WDR7: variants seen among roughly 807,000 people sequenced by gnomAD.
WDR7 encodes WD repeat domain 7, also known as WD repeat-containing protein 7.
Under a neutral mutation model 169.4 loss-of-function variants are expected in WDR7, and 46 were observed. The ratio of observed to expected loss-of-function variants is 0.27; its 90% CI spans 0.21 to 0.35. The LOEUF (loss-of-function observed/expected upper bound fraction) is 0.35. Among genes scored for constraint, WDR7 ranks in the 10% least tolerant of loss-of-function variants. The pLI, the probability that WDR7 is intolerant of heterozygous loss-of-function variation, is 1.00. For synonymous variants in WDR7, 612 were observed against 666.8 expected (o/e 0.92, Z 1.27); for missense variants, 1,534 against 1,859.3 (o/e 0.83, Z 3.22).
chr18:56,786,414 A>G (rs111390645), intron 19 of WDR7, among the ~76,000 whole-genome samples: 1,995 of 152,130 alleles, frequency 0.013, 49 homozygotes, highest in African/African-American at 0.045. Context: ...CTGTAGTCCC[A>G]GCTACTCGGG....
At chr18:56,744,072 T>C (rs2043662521) in intron 14 of WDR7, among the ~76,000 whole-genome samples, 1 of 151,742 alleles carries the variant, frequency 6.6e-6, no homozygotes, top group African/African-American at 2.4e-5. Context: ...ACCCCGTCTC[T>C]ACTAAAAATA....
At chr18:56,814,804 T>TA (rs574631201) in intron 19 of WDR7, among the ~76,000 whole-genome samples, 92 of 147,812 alleles carry the variant, frequency 6.2e-4, no homozygotes, top group South Asian at 4.3e-4. Flanking sequence ...AGTTAAAAAT[T>TA]AAAAAAAAAA....
At chr18:56,921,633 A>G (rs941842489) in intron 21 of WDR7, among the ~76,000 whole-genome samples, 3 of 152,198 alleles carry the variant, frequency 2.0e-5, no homozygotes, top group African/African-American at 7.2e-5. Flanking sequence ...TGGCCCTTGT[A>G]GAGCCAGGGT....
chr18:56,980,540 G>T (rs1348579635), intron 26 of WDR7, among the ~76,000 whole-genome samples: 1 of 151,760 alleles, frequency 6.6e-6, no homozygotes, highest in African/African-American at 2.4e-5. Flanking sequence ...CATGGAGCTT[G>T]CAGGCTAAAG....
At position 56,883,547 on chromosome 18, in the gene WDR7, GTGT is replaced by G. The variant is rs536964691; in HGVS notation, c.3526+3387_3526+3389del. On this transcript the variant is annotated intron_variant, in intron 21 of 27. Transcript: ENST00000254442. ...ATTTCAATAGGTTTTGGAGGAGCAA[GTGT>G]TGTTTGGTTACATGAATAAGTCCTT... 7.3e-5 allele frequency among the ~76,000 whole-genome samples: 11 copies of G among 150,884 alleles called. No homozygotes were observed. In the East Asian group the frequency reaches 2.1e-3, roughly 29 times the overall value.
At chr18:56,799,576 AAAAAT>A (rs2044639620) in intron 19 of WDR7, among the ~76,000 whole-genome samples, 1 of 152,204 alleles carries the variant, frequency 6.6e-6, no homozygotes. Context: ...GTAAATATAT[AAAAAT>A]ATATAAGACT....
chr18:56,779,099 T>C (rs1348148260), intron 17 of WDR7, among the ~76,000 whole-genome samples: 1 of 152,226 alleles, frequency 6.6e-6, no homozygotes, highest in African/African-American at 2.4e-5. Context: ...TGTTTATTTC[T>C]GTGTTTTGCC....
chr18:56,663,122 T>G (rs1371961081), intron 1 of WDR7, among the ~76,000 whole-genome samples: 1 of 152,230 alleles, frequency 6.6e-6, no homozygotes, highest in Non-Finnish European at 1.5e-5. Flanking sequence ...CTTACCCTTC[T>G]TACAAGGACA....
chr18:56,848,969 T>G (rs2045604093), intron 20 of WDR7, among the ~76,000 whole-genome samples: 1 of 152,216 alleles, frequency 6.6e-6, no homozygotes, highest in African/African-American at 2.4e-5. Context: ...TATCTTAACT[T>G]TTCCCACTTA....
intron 19 of WDR7, among the ~76,000 whole-genome samples, chr18:56,794,533 T>A (rs1301253204): frequency 1.3e-5 from 2 of 151,796 alleles, no homozygotes; most frequent in South Asian, 2.1e-4. Flanking sequence ...ATGGTCTCGA[T>A]CTCCTGACCT....
intron 13 of WDR7, 129 bp from the exon 14 acceptor site, chr18:56,731,250 CAAAA>C: frequency 1.0e-6 from 1 of 958,456 alleles, no homozygotes; most frequent in Non-Finnish European, 1.5e-6. Context: ...GAAGGAAGTA[CAAAA>C]AAAAATTTCC....
intron 14 of WDR7, among the ~76,000 whole-genome samples, chr18:56,755,560 G>A (rs890183379): frequency 6.6e-6 from 1 of 152,230 alleles, no homozygotes; most frequent in African/African-American, 2.4e-5. Flanking sequence ...GGAGGCCCAG[G>A]AGGTTTAGTG....
At chr18:56,934,226 A>G (rs2046927589) in intron 22 of WDR7, among the ~76,000 whole-genome samples, 1 of 152,188 alleles carries the variant, frequency 6.6e-6, no homozygotes, top group Non-Finnish European at 1.5e-5. Context: ...GAATTTTACA[A>G]TAAGTATTAA....
intron 26 of WDR7, among the ~76,000 whole-genome samples, chr18:57,006,898 T>C (rs916724006): frequency 3.3e-5 from 5 of 152,196 alleles, no homozygotes; most frequent in African/African-American, 9.6e-5. Flanking sequence ...CCAGTACATA[T>C]GTGTGTATGT....
intron 26 of WDR7, among the ~76,000 whole-genome samples, chr18:56,990,830 T>G (rs1050916387): frequency 2.0e-5 from 3 of 152,222 alleles, no homozygotes; most frequent in African/African-American, 7.2e-5. Context: ...ACCAGCTGAC[T>G]TTTTGTTGTT....
chr18:56,807,577 C>A (rs1379363020), intron 19 of WDR7, among the ~76,000 whole-genome samples: 5 of 151,844 alleles, frequency 3.3e-5, no homozygotes, highest in African/African-American at 1.2e-4. Flanking sequence ...CAGTACACTT[C>A]CTGTTTTCTA....
At chr18:56,717,936 C>A in intron 12 of WDR7, 28 bp from the exon 13 acceptor site, 3 of 1,500,284 alleles carry the variant, frequency 2.0e-6, no homozygotes, top group Admixed American at 2.3e-5. Flanking sequence ...TTAATTTAAA[C>A]ACAATTAAGG....
chr18:56,669,025 A>G (rs1006733904), intron 1 of WDR7, among the ~76,000 whole-genome samples: 1 of 152,130 alleles, frequency 6.6e-6, no homozygotes, highest in Admixed American at 6.5e-5. Flanking sequence ...ATTATTATCC[A>G]TCTTTTACAG....
intron 19 of WDR7, among the ~76,000 whole-genome samples, chr18:56,812,380 T>G (rs913466354): frequency 6.6e-6 from 1 of 152,240 alleles, no homozygotes; most frequent in Non-Finnish European, 1.5e-5. Flanking sequence ...TGTATTTCCC[T>G]GTAAACAATC....
Sources: allele counts gnomAD v4.1 joint callset (sites outside exome capture counted in the v4.1 genomes callset), GRCh38; gene constraint gnomAD v4.1.1; transcripts MANE v1.5; gene names NCBI Gene and HGNC (gene_info 2026-07-23, HGNC 2026-07-21).